Variants in RELB observed in about 807,000 individuals in gnomAD.
The protein encoded by RELB is RELB proto-oncogene, NF-kB subunit, also known as transcription factor RelB.
RELB carries 14 observed loss-of-function variants against 55.4 expected under a neutral mutation model. The ratio of observed to expected loss-of-function variants is 0.25; its 90% confidence interval spans 0.17 to 0.40. RELB has a LOEUF of 0.40. Ranked by LOEUF, RELB falls within the 10% of genes least tolerant of loss-of-function variation. The pLI, the probability that RELB is intolerant of heterozygous loss-of-function variation, is 1.00. For missense variants in RELB, 669 were observed against 830.7 expected, an observed-to-expected ratio of 0.81 and a Z score of 2.39; for synonymous variants, 409 against 371.3, an observed-to-expected ratio of 1.10 and a Z score of -1.17.
Position 45,004,879 on chromosome 19 carries a change from C to CA in RELB, c.154+1890dup, listed in dbSNP as rs1212147349. 2.7e-5 allele frequency among the ~76,000 whole-genome samples: 4 copies of CA among 148,742 alleles called. No homozygotes were observed. The East Asian group carries it at 8.2e-4, about 30-fold the overall frequency. ...TGAAACTCCGTCTCAAACAAACAAACAAAAAAACAGCCGGCCGTGGTGGCT... is the reference window on the plus strand; with the variant it reads ...TGAAACTCCGTCTCAAACAAACAAACAAAAAAAACAGCCGGCCGTGGTGGCT... On this transcript the variant is annotated intron_variant, in intron 2 of 11. Transcript: ENST00000221452.
At chr19:45,025,263 C>T (rs1361875001) in intron 5 of RELB, 66 bp from the exon 6 acceptor site, 2 of 1,119,300 alleles carry the variant, frequency 1.8e-6, no homozygotes, top group Non-Finnish European at 2.7e-6. Context: ...CCAGAGCCCT[C>T]CTGCAGGTTA....
At position 45,025,356 on chromosome 19, in the gene RELB, G is replaced by A; in HGVS notation, c.690G>A (p.Val230=). 2.5e-6 allele frequency: 4 copies of A among 1,612,568 alleles called. No homozygotes were observed. Among genetic ancestry groups the A allele is most frequent in the Non-Finnish European group, 2.5e-6 (3 of 1,179,412 alleles). ...HSFNNLGIQC[V]RKKEIEAAIE... is the part of the protein sequence containing the mutation. ...TTAACAACCTGGGCATCCAGTGTGT[G>A]AGGAAGAAGGAGATTGAGGCTGCCA... is the stretch of plus-strand genomic sequence containing the variant. The change falls in exon 6 of 12, where the codon GTG becomes GTA. Residue 230 remains valine, a synonymous_variant. Coordinates refer to ENST00000221452, the MANE Select transcript of RELB (RefSeq NM_006509.4).
chr19:45,023,593 A>G (rs1971518048), intron 5 of RELB, among the ~76,000 whole-genome samples: 1 of 150,776 alleles, frequency 6.6e-6, no homozygotes, highest in South Asian at 2.1e-4. Flanking sequence ...GCCCACCACC[A>G]CACCCGGCTA....
chr19:45,035,307 C>T (rs1256127092), intron 11 of RELB, among the ~76,000 whole-genome samples: 1 of 150,788 alleles, frequency 6.6e-6, no homozygotes, highest in African/African-American at 2.4e-5. Flanking sequence ...CTGCTTCAGT[C>T]CAGGAGTTTG....
chr19:45,032,377 C>T, intron 8 of RELB, 157 bp from the exon 9 acceptor site: 1 of 607,448 alleles, frequency 1.6e-6, no homozygotes, highest in Non-Finnish European at 3.0e-6. Flanking sequence ...TGAGATCGCG[C>T]CATTGCACTC....
At position 45,022,157 on chromosome 19, in the gene RELB, C is replaced by T; in HGVS notation, c.609C>T (p.Cys203=). The T allele has an allele frequency of 6.2e-7, 1 of 1,612,478 alleles. No individual in the cohort carries two copies. Among genetic ancestry groups the T allele is most frequent in the Non-Finnish European group, 8.5e-7 (1 of 1,179,668 alleles). The part of the protein sequence containing the change: ...VHPHSLVGKD[C]TDGICRVRLR... ...CCCACAGCCTCGTGGGGAAAGACTG[C>T]ACCGACGGCATCTGCAGGGTGCGGC... Residue 203 remains cysteine, a synonymous_variant, in exon 5 of 12, where the codon TGC becomes TGT. Coordinates refer to ENST00000221452, the MANE Select transcript of RELB (RefSeq NM_006509.4).
intron 2 of RELB, chr19:45,008,541 C>G: frequency 2.2e-6 from 1 of 456,210 alleles, no homozygotes; most frequent in Non-Finnish European, 4.4e-6. Flanking sequence ...AGAGCGTGTC[C>G]CTTCCTCTCT....
intron 4 of RELB, among the ~76,000 whole-genome samples, chr19:45,020,119 CTG>C (rs1376142619): frequency 6.6e-6 from 1 of 151,894 alleles, no homozygotes; most frequent in Non-Finnish European, 1.5e-5. Context: ...GATTAAAGCT[CTG>C]AATTTTTACA....
intron 4 of RELB, among the ~76,000 whole-genome samples, chr19:45,020,437 C>T (rs1481692643): frequency 6.6e-6 from 1 of 151,526 alleles, no homozygotes; most frequent in Admixed American, 6.6e-5. Context: ...TGGTCTTGAA[C>T]TCCTGGTCTC....
intron 6 of RELB, 32 bp downstream of exon 6, chr19:45,025,452 G>A (rs374708105): frequency 5.8e-5 from 93 of 1,590,794 alleles, no homozygotes; most frequent in Admixed American, 7.0e-5. Context: ...TGACCATCCC[G>A]TCCTCCCAAA....
At chr19:45,028,567 C>A (rs993539341) in intron 7 of RELB, among the ~76,000 whole-genome samples, 4 of 152,066 alleles carry the variant, frequency 2.6e-5, no homozygotes, top group Admixed American at 6.6e-5. Context: ...CTCCTGACCT[C>A]AAGTGATCCA....
chr19:45,006,357 A>G (rs560255172), intron 2 of RELB, among the ~76,000 whole-genome samples: 1 of 152,138 alleles, frequency 6.6e-6, no homozygotes, highest in African/African-American at 2.4e-5. Context: ...GGCGTGTGCC[A>G]CCACACGCAG....
chr19:45,014,936 T>C (rs534356736), intron 4 of RELB, among the ~76,000 whole-genome samples: 1 of 147,638 alleles, frequency 6.8e-6, no homozygotes, highest in East Asian at 2.0e-4. Flanking sequence ...GGAGTCTTGC[T>C]CTGTTGCCCA....
chr19:45,007,298 C>T (rs1007083108), intron 2 of RELB, among the ~76,000 whole-genome samples: 51 of 152,198 alleles, frequency 3.4e-4, no homozygotes, highest in Non-Finnish European at 5.9e-5. Flanking sequence ...TGAGCAGAAA[C>T]TTGAATAATT....
chr19:45,003,121 CCCTCCCTGCCAGTTGAGAT>C, intron 2 of RELB, 125 bp downstream of exon 2: 1 of 884,456 alleles, frequency 1.1e-6, no homozygotes, highest in East Asian at 2.7e-5. Flanking sequence ...CAGGGTGCAT[CCCTCCCTGCCAGTTGAGAT>C]GGGCCCCCTA....
At chr19:45,036,612 G>C in intron 11 of RELB, among the ~76,000 whole-genome samples, 1 of 152,062 alleles carries the variant, frequency 6.6e-6, no homozygotes, top group East Asian at 1.9e-4. Context: ...GTAGGAGCAT[G>C]GTTTCAACCC....
chr19:45,032,455 T>A, intron 8 of RELB, 79 bp from the exon 9 acceptor site: 1 of 1,204,274 alleles, frequency 8.3e-7, no homozygotes, highest in Non-Finnish European at 1.2e-6. Context: ...TTAGTCTTGA[T>A]TTTAGGGGAG....
chr19:45,004,023 A>G (rs1243454975), intron 2 of RELB, among the ~76,000 whole-genome samples: 1 of 137,568 alleles, frequency 7.3e-6, no homozygotes. Flanking sequence ...TCCCGGGTTC[A>G]GCAATTCTCC....
intron 4 of RELB, among the ~76,000 whole-genome samples, chr19:45,015,306 G>A (rs571690606): frequency 3.9e-5 from 6 of 152,150 alleles, no homozygotes; most frequent in Non-Finnish European, 7.3e-5. Context: ...TGTAATTACC[G>A]CCATTTACTG....
Sources: allele counts gnomAD v4.1 joint callset (sites outside exome capture counted in the v4.1 genomes callset), GRCh38; gene constraint gnomAD v4.1.1; transcripts MANE v1.5; gene names NCBI Gene and HGNC (gene_info 2026-07-23, HGNC 2026-07-21).